The following ALDH1L2 variants were observed in gnomAD, a reference collection of about 807,000 sequenced individuals.
ALDH1L2 encodes aldehyde dehydrogenase 1 family member L2, also known as mitochondrial 10-formyltetrahydrofolate dehydrogenase.
A neutral mutation model predicts 111.0 loss-of-function variants in ALDH1L2; 91 were observed. The ratio of observed to expected loss-of-function variants is 0.82; its 90% confidence interval spans 0.69 to 0.98. The LOEUF is 0.98. Ranked by LOEUF, ALDH1L2 falls within the 50% of genes least tolerant of loss-of-function variation. The pLI, the probability that ALDH1L2 is intolerant of heterozygous loss-of-function variation, is 0.00. For synonymous variants in ALDH1L2, 374 were observed against 392.6 expected (o/e 0.95, Z 0.56); for missense variants, 995 against 1,126.8 (o/e 0.88, Z 1.67).
intron 1 of ALDH1L2, among the ~76,000 whole-genome samples, chr12:105,083,971 T>C (rs551673612): frequency 3.9e-5 from 6 of 152,286 alleles, no homozygotes; most frequent in African/African-American, 1.2e-4. Context: ...CCCTATTGAC[T>C]TGATACTCCC....
chr12:105,050,128 C>A, intron 12 of ALDH1L2, 70 bp from the exon 13 acceptor site: 1 of 1,396,948 alleles, frequency 7.2e-7, no homozygotes, highest in Admixed American at 2.9e-5. Context: ...AATGCAGTAT[C>A]CTAAGGACGG....
chr12:105,034,483 T>C, intron 18 of ALDH1L2, 85 bp from the exon 19 acceptor site: 1 of 1,222,498 alleles, frequency 8.2e-7, no homozygotes, highest in Non-Finnish European at 1.2e-6. Context: ...GAGTTAGTTG[T>C]TTTTGGAAGA....
intron 1 of ALDH1L2, among the ~76,000 whole-genome samples, chr12:105,083,790 T>G (rs550203505): frequency 1.3e-5 from 2 of 152,150 alleles, no homozygotes; most frequent in South Asian, 2.1e-4. Flanking sequence ...TACAGTAGAA[T>G]AGTGTTCCAG....
At chr12:105,046,636 A>C in intron 15 of ALDH1L2, 74 bp downstream of exon 15, 1 of 1,305,074 alleles carries the variant, frequency 7.7e-7, no homozygotes, top group South Asian at 1.3e-5. Context: ...GCTATTTATA[A>C]ATATATTTCA....
At chr12:105,066,717 G>C (rs768316821) in intron 4 of ALDH1L2, 48 bp from the exon 5 acceptor site, 2 of 1,520,244 alleles carry the variant, frequency 1.3e-6, no homozygotes, top group South Asian at 2.3e-5. Context: ...ATCAACAATG[G>C]CATGGTCTAT....
chr12:105,051,790 C>CTTTT (rs201831121), intron 12 of ALDH1L2, among the ~76,000 whole-genome samples: 1 of 134,774 alleles, frequency 7.4e-6, no homozygotes, highest in Non-Finnish European at 1.6e-5. Flanking sequence ...TCTTTTTTTT[C>CTTTT]CTTTTTTTTT....
chr12:105,064,330 A>G (rs989278986), intron 6 of ALDH1L2, among the ~76,000 whole-genome samples: 9 of 151,854 alleles, frequency 5.9e-5, no homozygotes, highest in Admixed American at 3.3e-4. Flanking sequence ...AGGCAGTATT[A>G]TTAGTCCCAT....
rs1001186206 is a variant in ALDH1L2 at position 105,026,721 on chromosome 12, C to T, written c.2540G>A (p.Arg847Gln). The change falls in exon 22 of 23, where the codon CGA (arginine) becomes CAA (glutamine). Residue 847 changes from arginine to glutamine, a missense_variant. Coordinates refer to ENST00000258494, the MANE Select transcript of ALDH1L2 (RefSeq NM_001034173.4). ...QNGDIDGVLQ[R>Q]ANSTEYGLAS... ...CAAACCATACTCTGTACTATTTGCTCGCTGCAACACTCCATCGATGTCCCT... is the reference window on the plus strand; with the variant it reads ...CAAACCATACTCTGTACTATTTGCTTGCTGCAACACTCCATCGATGTCCCT... 1.6e-5 allele frequency: 26 copies of T among 1,614,008 alleles called. No individual in the cohort carries two copies. Among genetic ancestry groups the T allele is most frequent in the East Asian group, 1.3e-4 (6 of 44,900 alleles).
chr12:105,034,722 A>C (rs1394586522), intron 18 of ALDH1L2, among the ~76,000 whole-genome samples: 1 of 152,158 alleles, frequency 6.6e-6, no homozygotes, highest in African/African-American at 2.4e-5. Flanking sequence ...GTGGTGGCTC[A>C]CGCTTGTAAT....
chr12:105,042,163 C>T (rs1875575675), intron 15 of ALDH1L2, among the ~76,000 whole-genome samples: 1 of 152,104 alleles, frequency 6.6e-6, no homozygotes, highest in African/African-American at 2.4e-5. Flanking sequence ...TATCTAAATA[C>T]ATTAAAACCC....
chr12:105,060,969 G>C lies in ALDH1L2; in HGVS notation c.1139+12C>G. 6.2e-7 allele frequency: 1 copy of C among 1,611,336 alleles called. No individual in the cohort carries two copies. Among genetic ancestry groups the C allele is most frequent in the Admixed American group, 1.7e-5 (1 of 60,002 alleles). ...GGGAATCCCTAGTGAGTCAATAAGGGCGTGGTTTTACCTGGCAACATCCAT... is the reference window on the plus strand; with the variant it reads ...GGGAATCCCTAGTGAGTCAATAAGGCCGTGGTTTTACCTGGCAACATCCAT... On this transcript the variant is annotated intron_variant, in intron 9 of 22. Coordinates refer to ENST00000258494, the MANE Select transcript of ALDH1L2 (RefSeq NM_001034173.4).
intron 4 of ALDH1L2, 26 bp downstream of exon 4, chr12:105,068,693 A>G: frequency 7.1e-7 from 1 of 1,416,664 alleles, no homozygotes; most frequent in South Asian, 1.8e-5. Context: ...AGGTTTACTA[A>G]ATTCTGGGTG....
At chr12:105,038,834 G>A (rs1336931882) in intron 17 of ALDH1L2, among the ~76,000 whole-genome samples, 1 of 152,080 alleles carries the variant, frequency 6.6e-6, no homozygotes, top group Non-Finnish European at 1.5e-5. Context: ...AAAATGTTGT[G>A]GTCAAAAGTT....
chr12:105,049,825 A>G, intron 13 of ALDH1L2, 83 bp downstream of exon 13: 3 of 1,428,696 alleles, frequency 2.1e-6, no homozygotes, highest in Non-Finnish European at 2.8e-6. Flanking sequence ...ATCTACATAA[A>G]AAGAGGATCT....
intron 2 of ALDH1L2, among the ~76,000 whole-genome samples, chr12:105,072,898 T>C (rs7314365): frequency 0.99 from 151,340 of 152,252 alleles, 75,217 homozygotes; most frequent in East Asian, 1. Flanking sequence ...TGCTTGAACC[T>C]GGGAGGTGGA....
rs1189344371 is a variant in ALDH1L2 at position 105,084,408 on chromosome 12, C to T, written c.29G>A (p.Arg10Gln). 6 of 1,495,064 alleles carry T rather than the reference C, an allele frequency of 4.0e-6. No individual in the cohort carries two copies. The African/African-American group carries it at 4.3e-5, about 11-fold the overall frequency. 92.6% of individuals were successfully genotyped at this position (1,495,064 alleles called of 1,614,324 possible). MLRRGSQAL[R>Q]RFSTGRVYFK... ...ACTCACCCGGCCAGTGGAGAAGCGC[C>T]GGAGCGCCTGGCTGCCCCGCCGCAG... is the stretch of plus-strand genomic sequence containing the variant. Residue 10 changes from arginine to glutamine, a missense_variant, in exon 1 of 23, where the codon CGG (arginine) becomes CAG (glutamine). Physicochemically the swap from Arg to Gln is conservative, Grantham distance 43. Transcript: ENST00000258494.
chr12:105,071,713 G>C (rs1877741729), intron 2 of ALDH1L2, among the ~76,000 whole-genome samples: 1 of 123,558 alleles, frequency 8.1e-6, no homozygotes. Context: ...CCGGACTGCA[G>C]TGGTGCTATC....
At chr12:105,025,981 A>G (rs1874387383) in intron 22 of ALDH1L2, among the ~76,000 whole-genome samples, 2 of 152,218 alleles carry the variant, frequency 1.3e-5, no homozygotes, top group Non-Finnish European at 2.9e-5. Flanking sequence ...TTTCGCACTG[A>G]AAGTAAGCTA....
At chr12:105,057,335 C>T (rs1048274999) in intron 10 of ALDH1L2, among the ~76,000 whole-genome samples, 2 of 151,984 alleles carry the variant, frequency 1.3e-5, no homozygotes, top group Admixed American at 6.6e-5. Context: ...GTAGCCACTT[C>T]GGAAAACAGT....
Sources: gnomAD v4.1 joint callset for allele counts (sites outside exome capture counted in the v4.1 genomes callset) on GRCh38, gnomAD v4.1.1 for gene constraint, MANE v1.5 for transcripts, NCBI Gene and HGNC (gene_info 2026-07-23, HGNC 2026-07-21) for gene names.